Variants in MSI1 observed in about 807,000 individuals in gnomAD.
MSI1 encodes RNA-binding protein Musashi homolog 1.
In MSI1, 15 loss-of-function variants were observed where a neutral mutation model predicts 54.4. That is an observed-to-expected ratio of 0.28 (90% CI 0.18 to 0.42). The LOEUF is 0.42. Among genes scored for constraint, MSI1 ranks in the 20% least tolerant of loss-of-function variants. The pLI, the probability that MSI1 is intolerant of heterozygous loss-of-function variation, is 1.00. For synonymous variants in MSI1, 200 were observed against 196.5 expected, an observed-to-expected ratio of 1.02 and a Z score of -0.15; for missense variants, 304 against 506.0, an observed-to-expected ratio of 0.60 and a Z score of 3.83.
In MSI1 at chr12:120,368,664, C is replaced by A. The variant is rs1332991929; in HGVS notation, c.100+169G>T. On this transcript the variant is annotated intron_variant, in intron 2 of 14. Coordinates refer to ENST00000257552, the MANE Select transcript of MSI1 (RefSeq NM_002442.4). The surrounding 1 kb of genome is among the most constrained non-coding windows in gnomAD (Gnocchi z 6.6). ...TCCCCTCCACCCGCTGGGCCGGGTG[C>A]GCTCGCGGATCGCCCTGCGCTCTCG... Among the ~76,000 whole-genome samples, 3 of 151,774 alleles carry A rather than the reference C, an allele frequency of 2.0e-5. No homozygotes were observed. The highest frequency in any genetic ancestry group is 7.3e-5 in the African/African-American group (3 of 41,378).
Position 120,368,263 on chromosome 12 carries a change from G to C in MSI1, c.111C>G (p.Arg37=), listed in dbSNP as rs1363445042. Residue 37 remains arginine, a synonymous_variant, in exon 3 of 15, where the codon CGC becomes CGG. Coordinates refer to ENST00000257552, the MANE Select transcript of MSI1 (RefSeq NM_002442.4). The surrounding 1 kb of genome is among the most constrained non-coding windows in gnomAD (Gnocchi z 6.6). Reference sequence around the variant, plus strand: ...CCTCCCCGAACTGGCCGAAGTATTCGCGCAGCCCTTCTGTAACCACACACC... The same window carrying C: ...CCTCCCCGAACTGGCCGAAGTATTCCCGCAGCCCTTCTGTAACCACACACC... ...LSWQTTQEGL[R]EYFGQFGEVK... The C allele has an allele frequency of 5.1e-6, 8 of 1,575,980 alleles. No homozygotes were observed. The highest frequency in any genetic ancestry group is 6.9e-6 in the Non-Finnish European group (8 of 1,159,908).
At chr12:120,362,930 C>T in intron 6 of MSI1, 113 bp downstream of exon 6, 2 of 921,472 alleles carry the variant, frequency 2.2e-6, no homozygotes, top group South Asian at 1.5e-5. Context: ...AGGATCCAGC[C>T]CCACTCTCAT....
At position 120,351,359 on chromosome 12, in the gene MSI1, G is replaced by A; in HGVS notation, c.775C>T (p.Leu259Phe). ...ERTPLPSAPV[L>F]PELTAIPLTA... ...AGCGACTGACCTGTAAGCTCGGGGA[G>A]GACTGGGGCGCTCGGGAGAGGGGTC... The change falls in exon 11 of 15, where the codon CTC becomes TTC. Residue 259 changes from leucine to phenylalanine, a missense_variant. Around this residue, in one of 4 missense-constraint regions of MSI1, gnomAD observed 147 missense variants for 231.5 expected, o/e 0.64. Transcript: ENST00000257552. The A allele has an allele frequency of 6.2e-7, 1 of 1,613,574 alleles. No individual in the cohort carries two copies. Among genetic ancestry groups the A allele is most frequent in the South Asian group, 1.1e-5 (1 of 91,032 alleles).
intron 11 of MSI1, among the ~76,000 whole-genome samples, chr12:120,349,670 G>GA (rs1318237238): frequency 6.6e-6 from 1 of 152,186 alleles, no homozygotes; most frequent in Non-Finnish European, 1.5e-5. Context: ...TCGAATGCAT[G>GA]AAAAAACCAC....
intron 9 of MSI1, among the ~76,000 whole-genome samples, chr12:120,354,826 A>G (rs1874939708): frequency 6.6e-6 from 1 of 152,178 alleles, no homozygotes; most frequent in Non-Finnish European, 1.5e-5. Context: ...AGTGAAAGAG[A>G]CAAGACAACT....
chr12:120,353,250 C>T (rs749110881), intron 10 of MSI1, 49 bp downstream of exon 10: 8 of 1,583,616 alleles, frequency 5.1e-6, no homozygotes, highest in South Asian at 3.3e-5. Context: ...TCAGACTGCC[C>T]GGGAACCAGG....
chr12:120,362,078 G>A (rs1875704531), intron 6 of MSI1, among the ~76,000 whole-genome samples: 1 of 151,642 alleles, frequency 6.6e-6, no homozygotes, highest in Admixed American at 6.6e-5. Flanking sequence ...CCTCTGTCCC[G>A]GACCCAGGTG....
intron 10 of MSI1, 34 bp from the exon 11 acceptor site, chr12:120,351,434 C>G (rs755211018): frequency 6.2e-7 from 1 of 1,605,244 alleles, no homozygotes; most frequent in South Asian, 1.1e-5. Context: ...TAGGAAGAAG[C>G]AGGGGAGGCC....
At chr12:120,348,575 T>C (rs1007582990) in intron 11 of MSI1, among the ~76,000 whole-genome samples, 1 of 151,856 alleles carries the variant, frequency 6.6e-6, no homozygotes, top group African/African-American at 2.4e-5. Flanking sequence ...TTAAATTAAT[T>C]TTTTTGTAAA....
intron 12 of MSI1, among the ~76,000 whole-genome samples, chr12:120,346,672 C>A (rs1201713478): frequency 2.0e-5 from 3 of 152,194 alleles, no homozygotes; most frequent in Non-Finnish European, 4.4e-5. Flanking sequence ...CCACTCCCCA[C>A]TTCCGCACTT....
At chr12:120,348,166 TTGTC>T (rs1319840869) in intron 11 of MSI1, among the ~76,000 whole-genome samples, 4 of 120,860 alleles carry the variant, frequency 3.3e-5, no homozygotes, top group African/African-American at 5.6e-5. Context: ...CCCAGCCTCT[TTGTC>T]TGCCATCTCC....
chr12:120,354,443 T>G (rs1188809487), intron 9 of MSI1, among the ~76,000 whole-genome samples: 1 of 152,106 alleles, frequency 6.6e-6, no homozygotes, highest in African/African-American at 2.4e-5. Context: ...CCACTTTTTT[T>G]TTTTTGAGAT....
chr12:120,355,209 T>G (rs532502183), intron 9 of MSI1, among the ~76,000 whole-genome samples: 1 of 151,598 alleles, frequency 6.6e-6, no homozygotes, highest in East Asian at 1.9e-4. Context: ...ATCAAGACCA[T>G]CCTGGCTAAC....
chr12:120,368,717 G>A lies in MSI1; in HGVS notation c.100+116C>T, dbSNP rs1381746971. 6.1e-6 allele frequency: 6 copies of A among 988,898 alleles called. No homozygotes were observed. The highest frequency in any genetic ancestry group is 6.5e-6 in the Non-Finnish European group (5 of 772,050). 61.3% of individuals were successfully genotyped at this position (988,898 alleles called of 1,614,324 possible). A position where few individuals can be genotyped will look rare whatever the true frequency, so the allele number is the denominator to read the frequency against. On this transcript the variant is annotated intron_variant, in intron 2 of 14. Transcript: ENST00000257552. This position sits in a 1 kb window ranked among gnomAD's most constrained non-coding sequence, Gnocchi z 6.6. ...GTCTCCGGGCGGGGCGCGAAAGAGG[G>A]CGCGAGGGCGCCCGGGGTCAGCAGG...
intron 8 of MSI1, 84 bp downstream of exon 8, chr12:120,357,732 C>G: frequency 7.4e-7 from 1 of 1,350,394 alleles, no homozygotes; most frequent in Non-Finnish European, 1.0e-6. Flanking sequence ...TCTCAAACTC[C>G]TGACCTCATG....
chr12:120,368,337 T>G lies in MSI1; in HGVS notation c.101-64A>C, dbSNP rs1876156882. Reference sequence around the variant, plus strand: ...CGCGCCCTTCCCCCCCCCCCGTCCTTTGCCCCCGGTGACCCCGGAGCGGCC... The same window carrying G: ...CGCGCCCTTCCCCCCCCCCCGTCCTGTGCCCCCGGTGACCCCGGAGCGGCC... On this transcript the variant is annotated intron_variant, in intron 2 of 14. Coordinates refer to ENST00000257552, the MANE Select transcript of MSI1 (RefSeq NM_002442.4). This position sits in a 1 kb window ranked among gnomAD's most constrained non-coding sequence, Gnocchi z 6.6. The G allele has an allele frequency of 6.9e-7, 1 of 1,440,494 alleles. No homozygotes were observed. Among genetic ancestry groups the G allele is most frequent in the Non-Finnish European group, 9.2e-7 (1 of 1,087,498 alleles). The allele number at this position is 1,440,494 out of a possible 1,614,324, so 89.2% of individuals were successfully genotyped here. A position where few individuals can be genotyped will look rare whatever the true frequency, so the allele number is the denominator to read the frequency against.
intron 4 of MSI1, 79 bp downstream of exon 4, chr12:120,367,929 C>A (rs1230358892): frequency 7.1e-7 from 1 of 1,407,396 alleles, no homozygotes; most frequent in Non-Finnish European, 9.8e-7. Context: ...GTCCAGCTGT[C>A]CCCTGGGGAG....
rs565015579 is a variant in MSI1 at position 120,352,096 on chromosome 12, C to T, written c.734-696G>A. On this transcript the variant is annotated intron_variant, in intron 10 of 14. Transcript: ENST00000257552. ...GCAGTGGCATGAACACAGCTCACTA[C>T]ACACTCGACCTCCTGGGCTCAAGCG... Among the ~76,000 whole-genome samples, 7 of 151,634 alleles carry T rather than the reference C, an allele frequency of 4.6e-5. No individual in the cohort carries two copies. The East Asian group carries it at 1.4e-3, about 30-fold the overall frequency.
Position 120,346,115 on chromosome 12 carries a change from C to T in MSI1, c.1047+20G>A, listed in dbSNP as rs765403710. ...AAGGTGTGGGGGGTGAGGTGGGGGC[C>T]GCTAGGCCTGGCCACTCACCCCAAG... On this transcript the variant is annotated intron_variant, in intron 13 of 14. Transcript: ENST00000257552. The T allele has an allele frequency of 9.2e-6, 14 of 1,517,644 alleles. No homozygotes were observed. The highest frequency in any genetic ancestry group is 4.9e-5 in the East Asian group (2 of 40,922). 94.0% of individuals were successfully genotyped at this position (1,517,644 alleles called of 1,614,324 possible).
Sources: gnomAD v4.1 joint callset for allele counts (sites outside exome capture counted in the v4.1 genomes callset) on GRCh38, gnomAD v4.1.1 for gene constraint, gnomAD v4.1.1 regional missense constraint, Gnocchi (gnomAD v3.1) non-coding constraint, MANE v1.5 for transcripts, NCBI Gene and HGNC (gene_info 2026-07-23, HGNC 2026-07-21) for gene names.